MYO18B: variants seen among roughly 807,000 people sequenced by gnomAD.
MYO18B encodes the protein unconventional myosin-XVIIIb.
Under a neutral mutation model 273.0 loss-of-function variants are expected in MYO18B, and 204 were observed. The observed-to-expected ratio is 0.75, with a 90% CI of 0.67 to 0.84. The LOEUF (loss-of-function observed/expected upper bound fraction) is 0.84. Ranked by LOEUF, MYO18B falls within the 40% of genes least tolerant of loss-of-function variation. The probability of loss-of-function intolerance (pLI) is 0.00; values close to 1 mark genes in which losing one functional copy is unlikely to be tolerated. For synonymous variants in MYO18B, 1,330 were observed against 1,305.7 expected (o/e 1.02, Z -0.40); for missense variants, 3,212 against 3,287.6 (o/e 0.98, Z 0.56).
chr22:25,999,709 G>A (rs1271071693), intron 40 of MYO18B, among the ~76,000 whole-genome samples: 1 of 147,160 alleles, frequency 6.8e-6, no homozygotes, highest in Non-Finnish European at 1.5e-5. Flanking sequence ...AGGCTGGAGT[G>A]CAATGGCATG....
At chr22:25,898,709 T>G in intron 29 of MYO18B, 1 of 460,034 alleles carries the variant, frequency 2.2e-6, no homozygotes. Context: ...GGGAACTTTC[T>G]TTGCCTTTCT....
chr22:26,007,289 T>C (rs1934509660), intron 42 of MYO18B, among the ~76,000 whole-genome samples: 1 of 152,194 alleles, frequency 6.6e-6, no homozygotes, highest in Non-Finnish European at 1.5e-5. Flanking sequence ...AAATATTAAT[T>C]GTATTTGGTC....
At chr22:25,935,864 G>A (rs1283061135) in intron 34 of MYO18B, among the ~76,000 whole-genome samples, 2 of 152,220 alleles carry the variant, frequency 1.3e-5, no homozygotes, top group Non-Finnish European at 2.9e-5. Flanking sequence ...GGATGGGGGA[G>A]CACTCCTGGT....
chr22:25,925,574 A>G (rs1436110985), intron 34 of MYO18B, among the ~76,000 whole-genome samples: 1 of 152,066 alleles, frequency 6.6e-6, no homozygotes, highest in African/African-American at 2.4e-5. Flanking sequence ...ATGATGGCCC[A>G]GGGGCTGAGG....
chr22:25,869,236 G>C (rs1453335677), intron 22 of MYO18B, among the ~76,000 whole-genome samples: 1 of 152,008 alleles, frequency 6.6e-6, no homozygotes, highest in Non-Finnish European at 1.5e-5. Context: ...ATCACCTGAG[G>C]TCAGGAGTTC....
chr22:25,777,549 G>T (rs1345987595), intron 7 of MYO18B, 34 bp from the exon 8 acceptor site: 1 of 1,551,114 alleles, frequency 6.4e-7, no homozygotes, highest in Non-Finnish European at 8.7e-7. Context: ...GCAGTGGCTG[G>T]ATGGGATGGC....
At chr22:25,948,553 T>TTCCTTCCTTC (rs377046617) in intron 36 of MYO18B, among the ~76,000 whole-genome samples, 8 of 148,376 alleles carry the variant, frequency 5.4e-5, no homozygotes, top group Non-Finnish European at 1.0e-4. Context: ...CCTTCCTTTC[T>TTCCTTCCTTC]CTTTCTCTTT....
chr22:25,931,329 G>A (rs2092497588), intron 34 of MYO18B, among the ~76,000 whole-genome samples: 1 of 152,176 alleles, frequency 6.6e-6, no homozygotes, highest in Non-Finnish European at 1.5e-5. Flanking sequence ...GCAAGAAGGC[G>A]GGGACATCTC....
At chr22:25,760,956 C>G in intron 1 of MYO18B, 28 bp from the exon 2 acceptor site, 1 of 969,848 alleles carries the variant, frequency 1.0e-6, no homozygotes, top group Non-Finnish European at 1.6e-6. Context: ...TCTCTCTCTT[C>G]TCTCCCCACT....
At chr22:25,906,700 C>T (rs2092051569) in intron 31 of MYO18B, among the ~76,000 whole-genome samples, 1 of 152,082 alleles carries the variant, frequency 6.6e-6, no homozygotes, top group Non-Finnish European at 1.5e-5. Flanking sequence ...AATTGACTCA[C>T]AGTTCCACAT....
chr22:25,970,286 A>G (rs1279082214), intron 39 of MYO18B, among the ~76,000 whole-genome samples: 1 of 152,190 alleles, frequency 6.6e-6, no homozygotes, highest in Admixed American at 6.6e-5. Flanking sequence ...AGCCCCTTCA[A>G]GAGTAGGCAA....
At chr22:25,844,041 C>T (rs572365138) in intron 18 of MYO18B, 147 bp downstream of exon 18, 181 of 722,514 alleles carry the variant, frequency 2.5e-4, no homozygotes, top group South Asian at 5.0e-4. Context: ...AGAACCATAA[C>T]TTGAATTGGA....
rs770135040 is a variant in MYO18B at position 25,768,493 on chromosome 22, G to C, written c.577G>C (p.Gly193Arg). Residue 193 changes from glycine to arginine, a missense_variant, in exon 4 of 44, where the codon GGG becomes CGG. Gly to Arg is a moderately radical substitution (Grantham distance 125). Transcript: ENST00000335473. ...CACAGATACTGGAAAGGAAAAGAAA[G>C]GGGAGACCTCTAGGACTCCTTGTGG... is the stretch of plus-strand genomic sequence containing the variant. ...PATDTGKEKK[G>R]ETSRTPCGSQ... 1.6e-5 allele frequency: 25 copies of C among 1,606,942 alleles called. No homozygotes were observed. The highest frequency in any genetic ancestry group is 2.0e-5 in the Non-Finnish European group (24 of 1,176,936).
At chr22:26,004,097 A>G (rs965060970) in intron 41 of MYO18B, among the ~76,000 whole-genome samples, 8 of 151,454 alleles carry the variant, frequency 5.3e-5, no homozygotes, top group Non-Finnish European at 7.4e-5. Flanking sequence ...ATTATAATAT[A>G]TATACACATA....
At chr22:25,854,176 G>A (rs1242063115) in intron 21 of MYO18B, among the ~76,000 whole-genome samples, 1 of 152,210 alleles carries the variant, frequency 6.6e-6, no homozygotes, top group Non-Finnish European at 1.5e-5. Flanking sequence ...GGGTCTGAAT[G>A]TTGGTGTTTC....
intron 3 of MYO18B, 119 bp downstream of exon 3, chr22:25,763,508 A>G (rs1052454841): frequency 8.3e-7 from 1 of 1,205,186 alleles, no homozygotes; most frequent in Non-Finnish European, 1.2e-6. Flanking sequence ...GTTTTGAGGA[A>G]TGTCCTTTAT....
rs370439134 is a variant in MYO18B at position 26,026,684 on chromosome 22, C to T, written c.6710C>T (p.Pro2237Leu). 6.2e-5 allele frequency: 100 copies of T among 1,613,782 alleles called. No individual in the cohort carries two copies. In the South Asian group the frequency reaches 8.0e-4, roughly 13 times the overall value. Reference protein sequence around the residue: ...PLASRSTNTSPLSREKLPSPS... With the variant: ...PLASRSTNTSLLSREKLPSPS... ...GCTTCTCGGAGTACAAATACATCCC[C>T]GCTGTCGAGGGAAAAGCTGCCCAGT... is the stretch of plus-strand genomic sequence containing the variant. The change falls in exon 43 of 44, where the codon CCG becomes CTG. Residue 2237 changes from proline (P) to leucine (L), a missense_variant. Coordinates refer to ENST00000335473, the MANE Select transcript of MYO18B (RefSeq NM_032608.7).
At chr22:25,814,664 G>A (rs928302791) in intron 12 of MYO18B, among the ~76,000 whole-genome samples, 11 of 152,090 alleles carry the variant, frequency 7.2e-5, no homozygotes, top group African/African-American at 2.4e-4. Flanking sequence ...TGATGGCTCA[G>A]TGAGAACTCC....
At chr22:25,861,357 G>A (rs2146104479) in intron 21 of MYO18B, among the ~76,000 whole-genome samples, 1 of 152,180 alleles carries the variant, frequency 6.6e-6, no homozygotes, top group South Asian at 2.1e-4. Flanking sequence ...GTATCTTCTG[G>A]ATGGATTAAC....
Sources: allele counts gnomAD v4.1 joint callset (sites outside exome capture counted in the v4.1 genomes callset), GRCh38; gene constraint gnomAD v4.1.1; transcripts MANE v1.5; gene names NCBI Gene and HGNC (gene_info 2026-07-23, HGNC 2026-07-21).